The following TENM2 variants were observed in gnomAD, a reference collection of about 807,000 sequenced individuals.
TENM2 encodes teneurin-2.
A neutral mutation model predicts 245.2 loss-of-function variants in TENM2; 52 were observed. The observed-to-expected ratio is 0.21, with a 90% confidence interval of 0.17 to 0.27. TENM2 has a LOEUF of 0.27. Ranked by LOEUF, TENM2 falls within the 10% of genes least tolerant of loss-of-function variation. The probability of loss-of-function intolerance (pLI) is 1.00; values close to 1 mark genes in which losing one functional copy is unlikely to be tolerated. For missense variants in TENM2, 3,046 were observed against 3,666.8 expected (o/e 0.83, Z 4.37); for synonymous variants, 1,363 against 1,438.9 (o/e 0.95, Z 1.19).
intron 3 of TENM2, among the ~76,000 whole-genome samples, chr5:167,914,530 A>G (rs1442741458): frequency 6.6e-6 from 1 of 152,102 alleles, no homozygotes; most frequent in Non-Finnish European, 1.5e-5. Flanking sequence ...ACGTCAGCTG[A>G]TTGGTCGACT....
At chr5:167,427,524 G>GAGGGAAGGATGGGAAGGA (rs1159107351) in intron 2 of TENM2, among the ~76,000 whole-genome samples, 1 of 140,220 alleles carries the variant, frequency 7.1e-6, no homozygotes, top group Non-Finnish European at 1.6e-5. Flanking sequence ...GGAAGGGAGG[G>GAGGGAAGGATGGGAAGGA]AGGGAAGGAT....
intron 2 of TENM2, among the ~76,000 whole-genome samples, chr5:167,506,322 C>T (rs1769544724): frequency 6.6e-6 from 1 of 152,136 alleles, no homozygotes; most frequent in African/African-American, 2.4e-5. Context: ...ATTGTACCTA[C>T]TCTTTCTATA....
chr5:167,134,366 G>C, the TENM2 span, among the ~76,000 whole-genome samples: 2 of 152,112 alleles, frequency 1.3e-5, no homozygotes, highest in Non-Finnish European at 2.9e-5. Context: ...TTTTTTTGGC[G>C]TGTGTGTAAA....
the TENM2 span, among the ~76,000 whole-genome samples, chr5:167,170,489 T>TA: frequency 6.6e-6 from 1 of 152,306 alleles, no homozygotes; most frequent in South Asian, 2.1e-4. Flanking sequence ...ATATATTGGT[T>TA]AAAATCACTA....
rs1763225289 is a variant in TENM2 at position 168,216,661 on chromosome 5, G to A, written c.4079-107G>A. Reference sequence around the variant, plus strand: ...TGAGGGTACTAATCAATTCCAGTAAGGTCTCTGGTCTAAGCAGAGTGCTCA... The same window carrying A: ...TGAGGGTACTAATCAATTCCAGTAAAGTCTCTGGTCTAAGCAGAGTGCTCA... On this transcript the variant is annotated intron_variant, in intron 21 of 28. Transcript: ENST00000518659. The A allele has an allele frequency of 2.9e-6, 3 of 1,028,836 alleles. No individual in the cohort carries two copies. In the African/African-American group the frequency reaches 4.7e-5, roughly 16 times the overall value. 63.7% of individuals were successfully genotyped at this position (1,028,836 alleles called of 1,614,324 possible).
chr5:167,418,090 G>C (rs1763264378), intron 2 of TENM2, among the ~76,000 whole-genome samples: 1 of 152,180 alleles, frequency 6.6e-6, no homozygotes, highest in Non-Finnish European at 1.5e-5. Context: ...AGCACTTTGG[G>C]AGGCCAAGGT....
intron 2 of TENM2, among the ~76,000 whole-genome samples, chr5:167,753,488 A>G (rs1165517034): frequency 6.6e-6 from 1 of 152,198 alleles, no homozygotes; most frequent in East Asian, 1.9e-4. Context: ...AGTAATTAGG[A>G]AGAGACTGGA....
chr5:167,172,946 A>G, the TENM2 span, among the ~76,000 whole-genome samples: 14 of 152,112 alleles, frequency 9.2e-5, no homozygotes, highest in Admixed American at 7.2e-4. Context: ...TTCATTCCTG[A>G]ATTTGGCTAA....
chr5:168,238,993 CA>C (rs1765852615), intron 25 of TENM2, among the ~76,000 whole-genome samples: 1 of 151,836 alleles, frequency 6.6e-6, no homozygotes, highest in South Asian at 2.1e-4. Flanking sequence ...GAAAATAATT[CA>C]AAATAACTTT....
chr5:168,136,812 C>T (rs1251614585), intron 12 of TENM2, among the ~76,000 whole-genome samples: 1 of 152,184 alleles, frequency 6.6e-6, no homozygotes, highest in Non-Finnish European at 1.5e-5. Context: ...TCAGTCAGGA[C>T]CCCTACCATT....
chr5:167,378,628 C>T (rs920284017), intron 2 of TENM2, among the ~76,000 whole-genome samples: 8 of 151,988 alleles, frequency 5.3e-5, no homozygotes, highest in Admixed American at 5.2e-4. Flanking sequence ...AAGGGCTTTC[C>T]TAGTAACTTT....
In TENM2 at chr5:167,556,857, G is replaced by A. The variant is rs370638821; in HGVS notation, c.502+181384G>A. On this transcript the variant is annotated intron_variant, in intron 2 of 28. Coordinates refer to ENST00000518659, the Ensembl canonical transcript of TENM2. ...GGTCTCACTTGTATTTTAGGTGCCC[G>A]TGTTGATCACAGCATCTCATTTTCC... Among the ~76,000 whole-genome samples the A allele has an allele frequency of 3.2e-3, 489 of 152,242 alleles. 13 individuals are homozygous for A. In the South Asian group the frequency reaches 0.063, roughly 20 times the overall value.
rs1380948340 is a variant in TENM2 at position 168,004,515 on chromosome 5, GCGCA to G, written c.1186+11335_1186+11338del. Among the ~76,000 whole-genome samples, 451 of 73,674 alleles carry G rather than the reference GCGCA, an allele frequency of 6.1e-3. 1 individual carries two copies. Among genetic ancestry groups the G allele is most frequent in the African/African-American group, 0.011 (191 of 16,818 alleles). 48.3% of individuals were successfully genotyped at this position (73,674 alleles called of 152,430 possible). ...ATTTGGGATGCACGCATGCGCGCGC[GCGCA>G]CACACACACACACACACACACACAC... On this transcript the variant is annotated intron_variant, in intron 5 of 28. Transcript: ENST00000518659.
At chr5:167,362,146 G>A (rs916780935) in intron 1 of TENM2, among the ~76,000 whole-genome samples, 18 of 152,186 alleles carry the variant, frequency 1.2e-4, no homozygotes, top group South Asian at 1.0e-3. Context: ...TGGAACACAG[G>A]AAGCAAGGTA....
At chr5:168,156,014 C>T (rs1731912164) in intron 12 of TENM2, among the ~76,000 whole-genome samples, 1 of 151,370 alleles carries the variant, frequency 6.6e-6, no homozygotes, top group African/African-American at 2.4e-5. Flanking sequence ...TCTTCTAGAC[C>T]CTGAGAATAT....
At chr5:167,632,300 A>G (rs190323695) in intron 2 of TENM2, among the ~76,000 whole-genome samples, 94 of 152,296 alleles carry the variant, frequency 6.2e-4, no homozygotes, top group African/African-American at 2.2e-3. Context: ...ATCCAAATAT[A>G]TCAGGTTACC....
At chr5:167,750,422 C>T (rs1296147027) in intron 2 of TENM2, among the ~76,000 whole-genome samples, 1 of 152,090 alleles carries the variant, frequency 6.6e-6, no homozygotes, top group Non-Finnish European at 1.5e-5. Context: ...CCTCGTCATC[C>T]TGTAGTGGTC....
At chr5:167,143,832 A>G in the TENM2 span, among the ~76,000 whole-genome samples, 1 of 152,162 alleles carries the variant, frequency 6.6e-6, no homozygotes, top group Non-Finnish European at 1.5e-5. Context: ...TATATGCAAC[A>G]CTTCACATTT....
chr5:167,012,822 C>G, the TENM2 span, among the ~76,000 whole-genome samples: 1 of 151,990 alleles, frequency 6.6e-6, no homozygotes, highest in Non-Finnish European at 1.5e-5. Flanking sequence ...ATGGGGAGCA[C>G]TGTGTCCACC....
Sources: allele counts gnomAD v4.1 joint callset (sites outside exome capture counted in the v4.1 genomes callset), GRCh38; gene constraint gnomAD v4.1.1; transcripts MANE v1.5; gene names NCBI Gene and HGNC (gene_info 2026-07-23, HGNC 2026-07-21).